The following FABP7 variants were observed in gnomAD, a reference collection of about 807,000 sequenced individuals.
FABP7 encodes fatty acid-binding protein, brain.
FABP7 carries 13 observed loss-of-function variants against 14.2 expected under a neutral mutation model. That is an observed-to-expected ratio of 0.91 (90% CI 0.59 to 1.45). FABP7 has a LOEUF of 1.45. Ranked by LOEUF, FABP7 falls within the 40% of genes most tolerant of loss-of-function variation. The probability of loss-of-function intolerance (pLI) is 0.00; values close to 1 mark genes in which losing one functional copy is unlikely to be tolerated. For synonymous variants in FABP7, 49 were observed against 51.4 expected, an observed-to-expected ratio of 0.95 and a Z score of 0.20; for missense variants, 149 against 157.6, an observed-to-expected ratio of 0.95 and a Z score of 0.29.
upstream of FABP7, among the ~76,000 whole-genome samples, chr6:122,779,273 T>C (rs1780722941): frequency 6.6e-6 from 1 of 152,164 alleles, no homozygotes. Flanking sequence ...AGTCTGGCAT[T>C]TCAGTGGTTT....
At chr6:122,762,002 T>A in the FABP7 span, among the ~76,000 whole-genome samples, 1 of 152,078 alleles carries the variant, frequency 6.6e-6, no homozygotes, top group Admixed American at 6.6e-5. Flanking sequence ...ACTATTCCAA[T>A]CAATAGAAAA....
At chr6:122,763,357 T>A in the FABP7 span, among the ~76,000 whole-genome samples, 1 of 152,108 alleles carries the variant, frequency 6.6e-6, no homozygotes, top group East Asian at 1.9e-4. Context: ...TGAAACTGGA[T>A]CCCTTCCTTA....
rs1441646308 is a variant in FABP7 at position 122,780,329 on chromosome 6, A to G, written c.112A>G (p.Lys38Glu). 2 of 1,614,182 alleles carry G rather than the reference A, an allele frequency of 1.2e-6. No individual in the cohort carries two copies. The highest frequency in any genetic ancestry group is 2.2e-5 in the South Asian group (2 of 91,082). Residue 38 changes from lysine to glutamate, a missense_variant, in exon 2 of 4, where the codon AAA becomes GAA. Lys to Glu is a moderately conservative substitution (Grantham distance 56, BLOSUM62 1). Transcript: ENST00000368444. ...CACTAGGCAGGTGGGAAATGTGACCAAACCAACGGTAATTATCAGTCAAGA... is the reference window on the plus strand; with the variant it reads ...CACTAGGCAGGTGGGAAATGTGACCGAACCAACGGTAATTATCAGTCAAGA... ...FATRQVGNVT[K>E]PTVIISQEGD... is the part of the protein sequence containing the mutation.
upstream of FABP7, among the ~76,000 whole-genome samples, chr6:122,775,698 C>CA (rs777809907): frequency 1.4e-4 from 8 of 58,140 alleles, no homozygotes; most frequent in Admixed American, 9.3e-4. Context: ...ACAACAACAA[C>CA]AACAACAAAA....
the FABP7 span, among the ~76,000 whole-genome samples, chr6:122,755,603 G>A: frequency 6.6e-6 from 1 of 151,374 alleles, no homozygotes; most frequent in Non-Finnish European, 1.5e-5. Context: ...ACAGGCGCCT[G>A]CCACCACGCC....
At chr6:122,781,624 A>G (rs573636614) in intron 3 of FABP7, 171 of 1,106,402 alleles carry the variant, frequency 1.5e-4, no homozygotes, top group Admixed American at 7.2e-4. Context: ...AGATCTTTAA[A>G]CAGTTTATAT....
intron 1 of FABP7, 38 bp from the exon 2 acceptor site, chr6:122,780,253 A>C: frequency 6.2e-7 from 1 of 1,606,220 alleles, no homozygotes; most frequent in South Asian, 1.1e-5. Flanking sequence ...TTATTTTGGA[A>C]GTCGCTGCAG....
At chr6:122,754,701 T>A in the FABP7 span, among the ~76,000 whole-genome samples, 1 of 150,130 alleles carries the variant, frequency 6.7e-6, no homozygotes, top group Non-Finnish European at 1.5e-5. Context: ...TCCTTTGAAG[T>A]ACATGTGCTA....
intron 3 of FABP7, chr6:122,783,427 C>T (rs1252431113): frequency 1.0e-6 from 1 of 985,160 alleles, no homozygotes; most frequent in Non-Finnish European, 1.2e-6. Flanking sequence ...GTAGACACTC[C>T]ATTTCTCACA....
chr6:122,782,205 G>C, intron 3 of FABP7: 1 of 981,108 alleles, frequency 1.0e-6, no homozygotes. Context: ...CTGTAAAAGA[G>C]GATTTATTAG....
chr6:122,779,519 G>A (rs1582518080), upstream of FABP7: 4 of 467,022 alleles, frequency 8.6e-6, no homozygotes, highest in Non-Finnish European at 1.6e-5. Flanking sequence ...GGAGGAACTC[G>A]ACCTACTCCG....
At chr6:122,779,578 G>A (rs953578404), upstream of FABP7, 45 of 581,448 alleles carry the variant, frequency 7.7e-5, no homozygotes, top group Non-Finnish European at 1.2e-4. Flanking sequence ...AGCCTCACTC[G>A]AGCGCTCCTT....
chr6:122,772,844 T>C, the FABP7 span, among the ~76,000 whole-genome samples: 146 of 152,348 alleles, frequency 9.6e-4, no homozygotes, highest in African/African-American at 3.2e-3. Flanking sequence ...ATATTGCATT[T>C]AGCCCTTGCT....
At chr6:122,756,790 C>A in the FABP7 span, among the ~76,000 whole-genome samples, 1 of 152,184 alleles carries the variant, frequency 6.6e-6, no homozygotes, top group Non-Finnish European at 1.5e-5. Flanking sequence ...TTTGTCTTTC[C>A]CAACTTCTCA....
At chr6:122,782,564 A>C (rs1780818303) in intron 3 of FABP7, 9 of 985,290 alleles carry the variant, frequency 9.1e-6, no homozygotes, top group Non-Finnish European at 1.1e-5. Context: ...GCCTTCACCA[A>C]GCCTTCCTCA....
chr6:122,766,994 G>C, the FABP7 span, among the ~76,000 whole-genome samples: 97,932 of 151,782 alleles, frequency 0.65, 34,713 homozygotes, highest in Non-Finnish European at 0.82. Flanking sequence ...AAATTAAAGG[G>C]AAGACAACAT....
At chr6:122,762,687 G>C in the FABP7 span, among the ~76,000 whole-genome samples, 1 of 152,206 alleles carries the variant, frequency 6.6e-6, no homozygotes, top group Admixed American at 6.5e-5. Flanking sequence ...AGCAACTTTA[G>C]CAAAGTCTCA....
At chr6:122,753,355 T>A in the FABP7 span, among the ~76,000 whole-genome samples, 619 of 152,344 alleles carry the variant, frequency 4.1e-3, 7 homozygotes, top group African/African-American at 0.014. Context: ...GCCTCTTGTT[T>A]CTTTCTTTAC....
chr6:122,753,449 T>C, the FABP7 span, among the ~76,000 whole-genome samples: 1 of 152,140 alleles, frequency 6.6e-6, no homozygotes, highest in Non-Finnish European at 1.5e-5. Context: ...TACTGGTTTA[T>C]CTAGAACCGT....
Sources: allele counts gnomAD v4.1 joint callset (sites outside exome capture counted in the v4.1 genomes callset), GRCh38; gene constraint gnomAD v4.1.1; transcripts MANE v1.5; gene names NCBI Gene and HGNC (gene_info 2026-07-23, HGNC 2026-07-21).